TET1: variants seen among roughly 807,000 people sequenced by gnomAD.
TET1 encodes methylcytosine dioxygenase TET1.
Under a neutral mutation model 148.7 loss-of-function variants are expected in TET1, and 13 were observed. The ratio of observed to expected loss-of-function variants is 0.09; its 90% CI spans 0.06 to 0.14. The LOEUF is 0.14. TET1 is among the 10% of genes least tolerant of loss of function. The probability of loss-of-function intolerance (pLI) is 1.00; values close to 1 mark genes in which losing one functional copy is unlikely to be tolerated. For missense variants in TET1, 2,182 were observed against 2,553.8 expected, an observed-to-expected ratio of 0.85 and a Z score of 3.14; for synonymous variants, 907 against 937.2, an observed-to-expected ratio of 0.97 and a Z score of 0.59.
chr10:68,676,799 C>G (rs1200604328), intron 8 of TET1, among the ~76,000 whole-genome samples: 1 of 152,176 alleles, frequency 6.6e-6, no homozygotes, highest in African/African-American at 2.4e-5. Context: ...ACAATTCTTA[C>G]TGAAACATTA....
chr10:68,654,526 A>C (rs991525388), intron 6 of TET1, among the ~76,000 whole-genome samples: 3 of 152,150 alleles, frequency 2.0e-5, no homozygotes, highest in Non-Finnish European at 4.4e-5. Context: ...CTGAGGCAGG[A>C]GAATTGCTTG....
chr10:68,582,058 G>T (rs2053804333), intron 2 of TET1, among the ~76,000 whole-genome samples: 1 of 150,672 alleles, frequency 6.6e-6, no homozygotes, highest in Non-Finnish European at 1.5e-5. Context: ...GGGCTATTAT[G>T]TACTTGGTTA....
chr10:68,596,702 A>G (rs2053992932), intron 2 of TET1, among the ~76,000 whole-genome samples: 1 of 152,184 alleles, frequency 6.6e-6, no homozygotes, highest in Non-Finnish European at 1.5e-5. Flanking sequence ...TCAAACAAGT[A>G]TAGATCTTCG....
intron 3 of TET1, among the ~76,000 whole-genome samples, chr10:68,606,009 C>T (rs1304282426): frequency 6.6e-6 from 1 of 152,126 alleles, no homozygotes; most frequent in African/African-American, 2.4e-5. Context: ...TACAGCCACC[C>T]TCCCCTGCTA....
chr10:68,679,881 C>G (rs1421421428), intron 8 of TET1, among the ~76,000 whole-genome samples: 2 of 152,164 alleles, frequency 1.3e-5, no homozygotes, highest in Non-Finnish European at 2.9e-5. Flanking sequence ...ACCTTGTTGG[C>G]CAGGCTGGTC....
At chr10:68,671,583 G>A (rs531310705) in intron 7 of TET1, among the ~76,000 whole-genome samples, 1 of 151,792 alleles carries the variant, frequency 6.6e-6, no homozygotes, top group South Asian at 2.1e-4. Flanking sequence ...GATTGGAAGA[G>A]CATACAGTTT....
rs2054028636 is a variant in TET1 at position 68,599,608 on chromosome 10, T to C, written c.1915-1373T>C. ...GTGTGTGTCGGGAGATGGTGGTTTG[T>C]TCTACCCCTGGCTCAGGTCCCGATC... is the stretch of plus-strand genomic sequence containing the variant. On this transcript the variant is annotated intron_variant, in intron 2 of 11. Coordinates refer to ENST00000373644, the MANE Select transcript of TET1 (RefSeq NM_030625.3). 2.0e-5 allele frequency among the ~76,000 whole-genome samples: 3 copies of C among 152,206 alleles called. No individual in the cohort carries two copies. In the South Asian group the frequency reaches 6.2e-4, roughly 31 times the overall value.
rs777832634 is a variant in TET1 at position 68,691,146 on chromosome 10, G to C, written c.5743G>C (p.Ala1915Pro). The C allele has an allele frequency of 6.8e-6, 11 of 1,614,166 alleles. No homozygotes were observed. The highest frequency in any genetic ancestry group is 9.3e-6 in the Non-Finnish European group (11 of 1,180,034). Residue 1915 changes from alanine (A) to proline (P), a missense_variant, in exon 12 of 12, where the codon GCT becomes CCT. By Grantham distance (27) the Ala-to-Pro change is conservative. Around this residue, in one of 11 missense-constraint regions of TET1, gnomAD observed 380 missense variants for 387.9 expected, o/e 0.98. Transcript: ENST00000373644. This position sits in a 1 kb window ranked among gnomAD's most constrained non-coding sequence, Gnocchi z 4.4. Reference protein sequence around the residue: ...GEVAPLPTLSAPVMEPLINSE... With the variant: ...GEVAPLPTLSPPVMEPLINSE... ...AGTGGCTCCTCTCCCCACCCTGTCTGCTCCTGTGATGGAGCCCCTCATTAA... is the reference window on the plus strand; with the variant it reads ...AGTGGCTCCTCTCCCCACCCTGTCTCCTCCTGTGATGGAGCCCCTCATTAA...
At chr10:68,568,983 C>T (rs1412604925) in intron 1 of TET1, among the ~76,000 whole-genome samples, 1 of 152,100 alleles carries the variant, frequency 6.6e-6, no homozygotes, top group Non-Finnish European at 1.5e-5. Context: ...ACAATGCCTT[C>T]CTTAGACATA....
chr10:68,639,467 T>TG (rs1057100813), intron 3 of TET1, among the ~76,000 whole-genome samples: 55 of 47,868 alleles, frequency 1.1e-3, no homozygotes, highest in Non-Finnish European at 2.1e-3. Context: ...CTACTACTAC[T>TG]ATTATTATTA....
chr10:68,624,663 TC>T (rs1564975119), intron 3 of TET1, among the ~76,000 whole-genome samples: 4,275 of 94,878 alleles, frequency 0.045, 103 homozygotes, highest in African/African-American at 0.061. Context: ...TTTCTTTCTC[TC>T]TCTCTCTCTC....
intron 3 of TET1, among the ~76,000 whole-genome samples, chr10:68,610,099 C>T (rs1409124097): frequency 6.6e-6 from 1 of 152,060 alleles, no homozygotes; most frequent in Non-Finnish European, 1.5e-5. Flanking sequence ...CTGGCTAACA[C>T]AGTGATACCC....
At chr10:68,610,594 G>T (rs900308512) in intron 3 of TET1, among the ~76,000 whole-genome samples, 1 of 152,082 alleles carries the variant, frequency 6.6e-6, no homozygotes, top group African/African-American at 2.4e-5. Flanking sequence ...CTTCTCAAAA[G>T]ATAAAAAAAC....
At chr10:68,627,173 C>T (rs913003582) in intron 3 of TET1, among the ~76,000 whole-genome samples, 30 of 152,078 alleles carry the variant, frequency 2.0e-4, no homozygotes, top group South Asian at 2.1e-4. Flanking sequence ...TTTGGGAGGC[C>T]AAGGCGGGCG....
At chr10:68,575,338 T>G (rs1260346100) in intron 2 of TET1, among the ~76,000 whole-genome samples, 2 of 151,420 alleles carry the variant, frequency 1.3e-5, no homozygotes, top group Non-Finnish European at 1.5e-5. Context: ...GAGCCAAGAT[T>G]GCGCCATTGC....
intron 8 of TET1, among the ~76,000 whole-genome samples, chr10:68,673,925 C>CTTTCTTTTTCTTTTTTTTT (rs1307990753): frequency 1.1e-5 from 1 of 87,950 alleles, no homozygotes; most frequent in Non-Finnish European, 2.3e-5. Flanking sequence ...TATCAGATTT[C>CTTTCTTTTTCTTTTTTTTT]TTTCTTTTTC....
intron 6 of TET1, among the ~76,000 whole-genome samples, chr10:68,662,136 A>C (rs1183343002): frequency 1.7e-4 from 3 of 17,768 alleles, no homozygotes; most frequent in African/African-American, 5.1e-4. Context: ...TGGCCTCACA[A>C]ATTGCTGGGA....
chr10:68,585,100 G>A (rs1257080776), intron 2 of TET1, among the ~76,000 whole-genome samples: 16 of 152,276 alleles, frequency 1.1e-4, no homozygotes, highest in Admixed American at 8.5e-4. Context: ...TGCCTCCCGG[G>A]TTCAATCGAT....
intron 1 of TET1, among the ~76,000 whole-genome samples, chr10:68,569,166 C>CTTTTTTTTTTTTTTTTTTTT (rs34385747): frequency 2.6e-4 from 18 of 69,778 alleles, no homozygotes; most frequent in Non-Finnish European, 3.2e-4. Context: ...AGGAGAGTTT[C>CTTTTTTTTTTTTTTTTTTTT]TTTTTTTTTT....
Sources: allele counts gnomAD v4.1 joint callset (sites outside exome capture counted in the v4.1 genomes callset), GRCh38; gene constraint gnomAD v4.1.1; regional missense constraint gnomAD v4.1.1; non-coding constraint Gnocchi (gnomAD v3.1); transcripts MANE v1.5; gene names NCBI Gene and HGNC (gene_info 2026-07-23, HGNC 2026-07-21).